Variants in NPR3 observed in about 807,000 individuals in gnomAD.
NPR3 encodes the protein natriuretic peptide receptor 3, also known as atrial natriuretic peptide receptor 3.
NPR3 carries 34 observed loss-of-function variants against 54.5 expected under a neutral mutation model. That is an observed-to-expected ratio of 0.62 (90% CI 0.47 to 0.83). The LOEUF (loss-of-function observed/expected upper bound fraction) is 0.83. Ranked by LOEUF, NPR3 falls within the 40% of genes least tolerant of loss-of-function variation. NPR3 has a pLI of 0.00. For synonymous variants in NPR3, 289 were observed against 297.1 expected (o/e 0.97, Z 0.28); for missense variants, 674 against 720.8 (o/e 0.94, Z 0.74).
At chr5:32,708,357 AT>A (rs1738052506), upstream of NPR3, among the ~76,000 whole-genome samples, 1 of 152,056 alleles carries the variant, frequency 6.6e-6, no homozygotes, top group African/African-American at 2.4e-5. Context: ...CTTTTGATTC[AT>A]TTTTGTGATT....
intron 1 of NPR3, 95 bp downstream of exon 1, chr5:32,712,640 A>C (rs2111843966): frequency 6.7e-6 from 8 of 1,201,826 alleles, no homozygotes; most frequent in Non-Finnish European, 9.1e-6. Context: ...CCCACTCCCC[A>C]CTGCGGCGCT....
intron 5 of NPR3, among the ~76,000 whole-genome samples, chr5:32,781,168 A>G (rs1220393602): frequency 1.3e-5 from 2 of 152,124 alleles, no homozygotes; most frequent in South Asian, 2.1e-4. Flanking sequence ...GTGTGTTAAC[A>G]TTTCCAAAGA....
At chr5:32,710,821 ACCACAATTTCTAGAACCATCCCTTT>A, upstream of NPR3, 1 of 1,481,334 alleles carries the variant, frequency 6.8e-7, no homozygotes, top group Non-Finnish European at 9.0e-7. Context: ...TTGCACCGAA[ACCACAATTTCTAGAACCATCCCTTT>A]CCCCCAGTCC....
Position 32,780,781 on chromosome 5 carries a change from A to C in NPR3, c.1255A>C (p.Ile419Leu), listed in dbSNP as rs896884760. Residue 419 changes from isoleucine to leucine, a missense_variant, in exon 5 of 8, where the codon ATT becomes CTT. Transcript: ENST00000265074. ...NGDRYGDFSV[I>L]AMTDVEAGTQ... The stretch of plus-strand genomic sequence containing the variant: ...AGACCGATATGGGGATTTCTCTGTG[A>C]TTGCCATGACTGATGTGGAGGCGGG... 7 of 1,600,826 alleles carry C rather than the reference A, an allele frequency of 4.4e-6. No homozygotes were observed. The highest frequency in any genetic ancestry group is 1.7e-4 in the Middle Eastern group (1 of 6,036).
chr5:32,781,647 T>C (rs1397920117), intron 5 of NPR3, among the ~76,000 whole-genome samples: 1 of 152,238 alleles, frequency 6.6e-6, no homozygotes, highest in African/African-American at 2.4e-5. Context: ...TGCCTGGCTC[T>C]TGTGGGAAGT....
At position 32,788,885 on chromosome 5, in the gene NPR3, C is replaced by G. The variant is rs978697135; in HGVS notation, c.*2540C>G. On this transcript the variant is annotated 3_prime_UTR_variant, in exon 8 of 8. Transcript: ENST00000265074. ...TTCTTTGAAATCTGCATATGGGTTA[C>G]AAAAACTCTGTTAGGTTTTGAAAAT... 29 of 152,194 alleles carry G rather than the reference C, an allele frequency of 1.9e-4. No individual in the cohort carries two copies. The highest frequency in any genetic ancestry group is 7.0e-4 in the African/African-American group (29 of 41,402). 9.4% of individuals were successfully genotyped at this position (152,194 alleles called of 1,614,324 possible).
intron 1 of NPR3, among the ~76,000 whole-genome samples, chr5:32,696,862 A>G (rs2111810450): frequency 6.6e-6 from 1 of 152,236 alleles, no homozygotes; most frequent in African/African-American, 2.4e-5. Context: ...TTGTAACTTT[A>G]CTGAATTTAT....
chr5:32,785,726 A>G (rs562961454), intron 7 of NPR3, among the ~76,000 whole-genome samples: 1 of 152,188 alleles, frequency 6.6e-6, no homozygotes, highest in Admixed American at 6.5e-5. Flanking sequence ...ACGTGTGTGC[A>G]CTGGTACTGA....
intron 2 of NPR3, among the ~76,000 whole-genome samples, chr5:32,733,210 G>A (rs377126451): frequency 5.3e-5 from 8 of 151,982 alleles, no homozygotes; most frequent in African/African-American, 1.7e-4. Context: ...TTGATAGTGC[G>A]TCCATTATTA....
chr5:32,740,315 T>A lies in NPR3; in HGVS notation c.1059+1285T>A, dbSNP rs866834252. On this transcript the variant is annotated intron_variant, in intron 3 of 7. Transcript: ENST00000265074. ...TTGGGAGGATTTTGGATTATTTACC[T>A]GAAGCATTTAACGCTATCCCTGTCA... 6.6e-5 allele frequency among the ~76,000 whole-genome samples: 10 copies of A among 152,362 alleles called. No homozygotes were observed. The Middle Eastern group carries it at 0.014, about 207-fold the overall frequency.
intron 4 of NPR3, among the ~76,000 whole-genome samples, chr5:32,776,687 C>G (rs769233611): frequency 9.2e-5 from 14 of 152,180 alleles, no homozygotes; most frequent in Non-Finnish European, 2.1e-4. Context: ...CATTGAGCAC[C>G]TACTATGTGC....
intron 3 of NPR3, among the ~76,000 whole-genome samples, chr5:32,767,822 T>G (rs7716901): frequency 0.31 from 46,634 of 152,008 alleles, 7,675 homozygotes; most frequent in African/African-American, 0.43. Flanking sequence ...TCTAGGTGAC[T>G]CAAAAAGTTC....
At chr5:32,761,212 A>G (rs1741144349) in intron 3 of NPR3, among the ~76,000 whole-genome samples, 1 of 131,498 alleles carries the variant, frequency 7.6e-6, no homozygotes, top group Non-Finnish European at 1.7e-5. Context: ...GTTAGTTTCT[A>G]AAAAAAAAAA....
chr5:32,728,835 G>GTATATATATATATATA (rs1226669792), intron 2 of NPR3, among the ~76,000 whole-genome samples: 6 of 60,622 alleles, frequency 9.9e-5, no homozygotes, highest in Non-Finnish European at 1.5e-4. Context: ...GTGTGTGTGT[G>GTATATATATATATATA]TGTATATATA....
chr5:32,702,765 G>C (rs1262038368), intron 1 of NPR3, among the ~76,000 whole-genome samples: 4 of 152,036 alleles, frequency 2.6e-5, no homozygotes, highest in Admixed American at 6.5e-5. Flanking sequence ...GTAGTCTTTT[G>C]GGTATATACC....
chr5:32,763,437 T>A (rs989018862), intron 3 of NPR3, among the ~76,000 whole-genome samples: 1 of 151,924 alleles, frequency 6.6e-6, no homozygotes, highest in Non-Finnish European at 1.5e-5. Context: ...ACTTTCCTGC[T>A]TCATTCTCCC....
At chr5:32,761,586 C>A (rs1216617134) in intron 3 of NPR3, among the ~76,000 whole-genome samples, 1 of 151,916 alleles carries the variant, frequency 6.6e-6, no homozygotes, top group Non-Finnish European at 1.5e-5. Context: ...TCTGCTGTCT[C>A]TAATCTGCTT....
rs145841353 is a variant in NPR3, at chr5:32,787,701, G to A, written c.*1356G>A. On this transcript the variant is annotated 3_prime_UTR_variant, in exon 8 of 8. Coordinates refer to ENST00000265074, the MANE Select transcript of NPR3 (RefSeq NM_001204375.2). ...AGATAAGGAATTTGGACAAAGTTGAGTAAGTTTTTACTGGGTATCTGCTTT... is the reference window on the plus strand; with the variant it reads ...AGATAAGGAATTTGGACAAAGTTGAATAAGTTTTTACTGGGTATCTGCTTT... The A allele has an allele frequency of 2.6e-5, 4 of 152,158 alleles. No homozygotes were observed. The highest frequency in any genetic ancestry group is 7.2e-5 in the African/African-American group (3 of 41,428). 9.4% of individuals were successfully genotyped at this position (152,158 alleles called of 1,614,324 possible).
intron 3 of NPR3, among the ~76,000 whole-genome samples, chr5:32,760,726 T>C (rs1386685757): frequency 1.3e-5 from 2 of 152,008 alleles, no homozygotes; most frequent in Admixed American, 6.6e-5. Flanking sequence ...TTTTTTGGTA[T>C]CATCTTTAAT....
Sources: allele counts gnomAD v4.1 joint callset (sites outside exome capture counted in the v4.1 genomes callset), GRCh38; gene constraint gnomAD v4.1.1; transcripts MANE v1.5; gene names NCBI Gene and HGNC (gene_info 2026-07-23, HGNC 2026-07-21).